FGF13: variants seen among roughly 807,000 people sequenced by gnomAD.
FGF13 encodes fibroblast growth factor homologous factor 2.
FGF13 carries 2 observed loss-of-function variants against 19.5 expected under a neutral mutation model. The observed-to-expected ratio is 0.10, with a 90% CI of 0.04 to 0.32. FGF13 has a LOEUF of 0.32. Ranked by LOEUF, FGF13 falls within the 10% of genes least tolerant of loss-of-function variation. FGF13 has a pLI of 1.00. For missense variants in FGF13, 113 were observed against 192.7 expected, an observed-to-expected ratio of 0.59 and a Z score of 2.45; for synonymous variants, 72 against 76.9, an observed-to-expected ratio of 0.94 and a Z score of 0.33.
At chrX:138,739,393 A>T, upstream of FGF13, 1 of 670,879 alleles carries the variant, frequency 1.5e-6, no homozygotes, top group Non-Finnish European at 2.2e-6. Context: ...ATGGCCAGAA[A>T]CATCAAGCCC....
At chrX:139,089,641 G>A (rs866555011) in intron 1 of FGF13, among the ~76,000 whole-genome samples, 9 of 111,310 alleles carry the variant, frequency 8.1e-5, no homozygotes, top group Non-Finnish European at 1.5e-4. Flanking sequence ...TGAAATCCTG[G>A]AGCAACTATC....
chrX:138,832,124 A>C lies in FGF13; in HGVS notation c.217+25388T>G, dbSNP rs2091078508. On this transcript the variant is annotated intron_variant, in intron 3 of 6. Transcript: ENST00000436198. ...GTGAATAGTGCTGCAATGAACATAC[A>C]CATGAATGTGTCTTTATAATAGATT... is the stretch of plus-strand genomic sequence containing the variant. Among the ~76,000 whole-genome samples, 9 of 112,238 alleles carry C rather than the reference A, an allele frequency of 8.0e-5. No homozygotes were observed. The Admixed American group carries it at 8.5e-4, about 11-fold the overall frequency.
At chrX:139,001,182 A>T (rs1205896917) in intron 1 of FGF13, among the ~76,000 whole-genome samples, 1 of 112,166 alleles carries the variant, frequency 8.9e-6, no homozygotes, top group Non-Finnish European at 1.9e-5. Context: ...ACAAAAATTA[A>T]CACCAGATGG....
At chrX:138,696,603 G>C (rs1407206323) in intron 3 of FGF13, among the ~76,000 whole-genome samples, 1 of 111,795 alleles carries the variant, frequency 8.9e-6, no homozygotes, top group Non-Finnish European at 1.9e-5. Context: ...GATTGATAAG[G>C]CTGAGGAATA....
chrX:138,702,430 C>T (rs951748763), intron 3 of FGF13, among the ~76,000 whole-genome samples: 2 of 111,031 alleles, frequency 1.8e-5, no homozygotes, highest in Non-Finnish European at 3.8e-5. Context: ...ATTCTGTTCA[C>T]TCCAAAGTTA....
chrX:139,072,485 G>A (rs141962677), intron 1 of FGF13, among the ~76,000 whole-genome samples: 1,147 of 111,580 alleles, frequency 0.01, 34 homozygotes, highest in Admixed American at 0.072. Flanking sequence ...TGTTATGACA[G>A]CCTTAGAAGA....
intron 1 of FGF13, among the ~76,000 whole-genome samples, chrX:138,871,425 G>A (rs1333966022): frequency 1.8e-5 from 2 of 111,961 alleles, no homozygotes; most frequent in African/African-American, 3.2e-5. Flanking sequence ...TTTGAGGGTG[G>A]TGAGGAGTAA....
At chrX:138,645,303 C>G (rs2089294395) in intron 3 of FGF13, among the ~76,000 whole-genome samples, 1 of 111,997 alleles carries the variant, frequency 8.9e-6, no homozygotes. Context: ...GCAAGTGCAC[C>G]TTTTCACCCA....
chrX:138,737,091 AGCT>A (rs892213804), intron 1 of FGF13, among the ~76,000 whole-genome samples: 1 of 111,850 alleles, frequency 8.9e-6, no homozygotes, highest in Non-Finnish European at 1.9e-5. Context: ...CACAGAGCAC[AGCT>A]GCTGTCTATT....
At chrX:138,699,719 T>A (rs989740232) in intron 3 of FGF13, among the ~76,000 whole-genome samples, 1 of 112,503 alleles carries the variant, frequency 8.9e-6, no homozygotes, top group Non-Finnish European at 1.9e-5. Context: ...TTCATGCTGT[T>A]ATTTTCTAAC....
intron 3 of FGF13, among the ~76,000 whole-genome samples, chrX:138,688,785 T>TA (rs1045464952): frequency 8.9e-5 from 10 of 111,887 alleles, no homozygotes; most frequent in African/African-American, 3.2e-4. Context: ...ATATTTACCA[T>TA]AAAAAATACT....
In FGF13 at chrX:138,767,512, A is replaced by G. The variant is rs1304441355; in HGVS notation, c.218-58584T>C. Among the ~76,000 whole-genome samples, 11 of 111,777 alleles carry G rather than the reference A, an allele frequency of 9.8e-5. No individual in the cohort carries two copies. In the Admixed American group the frequency reaches 1.0e-3, roughly 11 times the overall value. ...CAAGCAATACTTTAGTCTGGTTCTG[A>G]TATCATCAGTAGTAACTGATGTGAT... On this transcript the variant is annotated intron_variant, in intron 3 of 6. Coordinates refer to the FGF13 transcript ENST00000436198.
At chrX:139,032,355 C>T (rs889840659) in intron 1 of FGF13, among the ~76,000 whole-genome samples, 2 of 111,562 alleles carry the variant, frequency 1.8e-5, no homozygotes, top group Non-Finnish European at 3.8e-5. Flanking sequence ...TTTTATAAAA[C>T]CTTTGGGATT....
At chrX:138,972,080 A>ATG (rs1556316153) in intron 1 of FGF13, among the ~76,000 whole-genome samples, 1 of 99,315 alleles carries the variant, frequency 1.0e-5, no homozygotes, top group South Asian at 4.8e-4. Context: ...GTGTGTGTGT[A>ATG]TATCACATTT....
At chrX:139,142,675 A>G (rs907602853) in intron 1 of FGF13, among the ~76,000 whole-genome samples, 16 of 111,593 alleles carry the variant, frequency 1.4e-4, no homozygotes, top group African/African-American at 5.3e-4. Context: ...TTTCCTCCTC[A>G]TCTGTAGAAG....
At chrX:138,980,564 C>A (rs2091959273) in intron 1 of FGF13, among the ~76,000 whole-genome samples, 1 of 111,114 alleles carries the variant, frequency 9.0e-6, no homozygotes, top group Admixed American at 9.7e-5. Flanking sequence ...AAATGCAATA[C>A]AATTGCTAAC....
chrX:139,080,608 G>A (rs1438443641), intron 1 of FGF13, among the ~76,000 whole-genome samples: 1 of 111,689 alleles, frequency 9.0e-6, no homozygotes, highest in East Asian at 2.8e-4. Flanking sequence ...GCTTATTTTG[G>A]CTAGAAAAAC....
intron 1 of FGF13, among the ~76,000 whole-genome samples, chrX:139,183,502 T>A (rs749551012): frequency 2.2e-4 from 25 of 112,029 alleles, no homozygotes; most frequent in Admixed American, 2.2e-3. Context: ...CCCATGGTAA[T>A]GAGTGAGTTC....
At chrX:138,664,515 A>C (rs1396384620) in intron 3 of FGF13, among the ~76,000 whole-genome samples, 5 of 110,551 alleles carry the variant, frequency 4.5e-5, no homozygotes, top group Non-Finnish European at 7.6e-5. Context: ...TGTTACAAGA[A>C]AGATCATTTG....
Sources: allele counts gnomAD v4.1 joint callset (sites outside exome capture counted in the v4.1 genomes callset), GRCh38; gene constraint gnomAD v4.1.1; transcripts MANE v1.5; gene names NCBI Gene and HGNC (gene_info 2026-07-23, HGNC 2026-07-21).